Variants in MMP16 observed in about 807,000 individuals in gnomAD.
MMP16 encodes matrix metalloproteinase-16.
A neutral mutation model predicts 67.8 loss-of-function variants in MMP16; 12 were observed. That is an observed-to-expected ratio of 0.18 (90% CI 0.11 to 0.29). The LOEUF (loss-of-function observed/expected upper bound fraction) is 0.29. Ranked by LOEUF, MMP16 falls within the 10% of genes least tolerant of loss-of-function variation. MMP16 has a pLI of 1.00. For missense variants in MMP16, 475 were observed against 765.7 expected (o/e 0.62, Z 4.48); for synonymous variants, 249 against 255.9 (o/e 0.97, Z 0.26).
intron 1 of MMP16, among the ~76,000 whole-genome samples, chr8:88,220,413 T>C (rs1809663019): frequency 6.6e-6 from 1 of 152,150 alleles, no homozygotes; most frequent in African/African-American, 2.4e-5. Flanking sequence ...TTTGTCTGTA[T>C]GTCTAGATTC....
chr8:88,073,950 T>C (rs960425118), intron 7 of MMP16, among the ~76,000 whole-genome samples: 1 of 152,196 alleles, frequency 6.6e-6, no homozygotes, highest in Non-Finnish European at 1.5e-5. Flanking sequence ...GTCCCTGTGT[T>C]TTCTTTCACA....
At chr8:88,259,383 A>G (rs1416484635) in intron 1 of MMP16, among the ~76,000 whole-genome samples, 1 of 152,186 alleles carries the variant, frequency 6.6e-6, no homozygotes, top group African/African-American at 2.4e-5. Context: ...CAATGTTCAT[A>G]CACTGGTGAG....
chr8:88,258,054 T>C (rs1259830326), intron 1 of MMP16, among the ~76,000 whole-genome samples: 1 of 151,756 alleles, frequency 6.6e-6, no homozygotes, highest in Non-Finnish European at 1.5e-5. Context: ...CTTTTTTTTT[T>C]TTTTTCTTTG....
At chr8:88,076,012 A>G (rs1808644906) in intron 6 of MMP16, among the ~76,000 whole-genome samples, 1 of 151,372 alleles carries the variant, frequency 6.6e-6, no homozygotes, top group Non-Finnish European at 1.5e-5. Context: ...AGTTAATATG[A>G]TAACAATGAA....
At chr8:88,102,337 C>G (rs1206393355) in intron 6 of MMP16, among the ~76,000 whole-genome samples, 1 of 151,772 alleles carries the variant, frequency 6.6e-6, no homozygotes, top group Non-Finnish European at 1.5e-5. Context: ...ATGTGTCACA[C>G]AGAACTCAGA....
At chr8:88,291,533 CTG>C (rs1810926080) in intron 1 of MMP16, among the ~76,000 whole-genome samples, 1 of 152,166 alleles carries the variant, frequency 6.6e-6, no homozygotes, top group Non-Finnish European at 1.5e-5. Context: ...TGTTCACTCT[CTG>C]CTTTCACTAG....
At chr8:88,205,344 T>C (rs1809409260) in intron 1 of MMP16, among the ~76,000 whole-genome samples, 1 of 152,092 alleles carries the variant, frequency 6.6e-6, no homozygotes, top group Non-Finnish European at 1.5e-5. Context: ...TAGGAGACCC[T>C]ATTCATGTTA....
At chr8:88,286,019 A>G (rs1171217745) in intron 1 of MMP16, among the ~76,000 whole-genome samples, 1 of 152,172 alleles carries the variant, frequency 6.6e-6, no homozygotes, top group East Asian at 1.9e-4. Flanking sequence ...GGTTGAGTGT[A>G]TCATTCTTCC....
chr8:88,103,605 T>C (rs1479253270), intron 6 of MMP16, among the ~76,000 whole-genome samples: 1 of 151,812 alleles, frequency 6.6e-6, no homozygotes, highest in African/African-American at 2.4e-5. Context: ...GTTGCTGAAT[T>C]TCCTTGAGAT....
intron 6 of MMP16, among the ~76,000 whole-genome samples, chr8:88,100,810 A>T (rs553581895): frequency 1.3e-5 from 2 of 152,150 alleles, no homozygotes; most frequent in South Asian, 4.1e-4. Context: ...AAGAAGGATG[A>T]GTTCATGTCC....
chr8:88,064,370 T>C (rs1032421515), intron 7 of MMP16, among the ~76,000 whole-genome samples: 1 of 152,110 alleles, frequency 6.6e-6, no homozygotes. Context: ...ATTTAAAACA[T>C]TTTTATAAAT....
At chr8:88,119,107 C>A (rs550496798) in intron 4 of MMP16, among the ~76,000 whole-genome samples, 5 of 152,006 alleles carry the variant, frequency 3.3e-5, no homozygotes, top group Admixed American at 3.3e-4. Flanking sequence ...AAGGGAAGAA[C>A]AAAGAATAAA....
intron 1 of MMP16, among the ~76,000 whole-genome samples, chr8:88,289,899 T>C (rs141160920): frequency 6.6e-6 from 1 of 152,228 alleles, no homozygotes; most frequent in African/African-American, 2.4e-5. Context: ...CAGCTGGCTC[T>C]AGGGTGCTTC....
intron 1 of MMP16, among the ~76,000 whole-genome samples, chr8:88,245,489 A>G (rs1348307695): frequency 1.3e-5 from 2 of 152,200 alleles, no homozygotes; most frequent in African/African-American, 4.8e-5. Flanking sequence ...AGAGAAATGC[A>G]TTACCACTAG....
At chr8:88,263,447 G>A (rs545449478) in intron 1 of MMP16, among the ~76,000 whole-genome samples, 4 of 152,258 alleles carry the variant, frequency 2.6e-5, no homozygotes, top group South Asian at 4.2e-4. Context: ...CGACACATGA[G>A]TTTTCTAGGG....
At chr8:88,158,915 A>G (rs1808563253) in intron 4 of MMP16, among the ~76,000 whole-genome samples, 1 of 152,184 alleles carries the variant, frequency 6.6e-6, no homozygotes, top group African/African-American at 2.4e-5. Context: ...CCATTTATTA[A>G]ATAGGGAATC....
intron 7 of MMP16, among the ~76,000 whole-genome samples, chr8:88,068,423 CT>C (rs1165369568): frequency 1.3e-5 from 2 of 151,858 alleles, no homozygotes; most frequent in Non-Finnish European, 2.9e-5. Flanking sequence ...ATCAATTTTT[CT>C]TTTATAGATT....
At position 88,327,429 on chromosome 8, in the gene MMP16, C is replaced by T; in HGVS notation, c.-223G>A. On this transcript the variant is annotated 5_prime_UTR_variant, in exon 1 of 10. Coordinates refer to ENST00000286614, the MANE Select transcript of MMP16 (RefSeq NM_005941.5). Reference sequence around the variant, plus strand: ...TCAGCAGTAGTTCCTGTTCACCATCCTCCGGGGTCAGTCACCGGGAACGTG... The same window carrying T: ...TCAGCAGTAGTTCCTGTTCACCATCTTCCGGGGTCAGTCACCGGGAACGTG... 5.8e-6 allele frequency: 3 copies of T among 518,268 alleles called. No individual in the cohort carries two copies. In the South Asian group the frequency reaches 5.9e-5, roughly 10 times the overall value. 32.1% of individuals were successfully genotyped at this position (518,268 alleles called of 1,614,324 possible). A position where few individuals can be genotyped will look rare whatever the true frequency, so the allele number is the denominator to read the frequency against.
intron 6 of MMP16, among the ~76,000 whole-genome samples, chr8:88,085,886 A>ATATATCTATATAATAGATATCT: frequency 6.6e-6 from 1 of 152,010 alleles, no homozygotes; most frequent in African/African-American, 2.4e-5. Flanking sequence ...AACACTGAAG[A>ATATATCTATATAATAGATATCT]GTTTAGTGAT....
Sources: gnomAD v4.1 joint callset for allele counts (sites outside exome capture counted in the v4.1 genomes callset) on GRCh38, gnomAD v4.1.1 for gene constraint, MANE v1.5 for transcripts, NCBI Gene and HGNC (gene_info 2026-07-23, HGNC 2026-07-21) for gene names.